The following SLC17A1 variants were observed in gnomAD, a reference collection of about 807,000 sequenced individuals.
SLC17A1 encodes solute carrier family 17 member 1.
SLC17A1 carries 51 observed loss-of-function variants against 53.5 expected under a neutral mutation model. The ratio of observed to expected loss-of-function variants is 0.95; its 90% CI spans 0.76 to 1.20. The LOEUF (loss-of-function observed/expected upper bound fraction) is 1.20. Among genes scored for constraint, SLC17A1 ranks in the 50% most tolerant of loss-of-function variants. The pLI is 0.00. For synonymous variants in SLC17A1, 179 were observed against 198.8 expected, an observed-to-expected ratio of 0.90 and a Z score of 0.84; for missense variants, 538 against 568.2, an observed-to-expected ratio of 0.95 and a Z score of 0.54.
downstream of SLC17A1, among the ~76,000 whole-genome samples, chr6:25,781,634 T>C (rs1028886228): frequency 3.3e-5 from 5 of 152,014 alleles, no homozygotes; most frequent in Admixed American, 3.3e-4. Flanking sequence ...CTGCTCATAG[T>C]GGAAAGTGAA....
chr6:25,799,823 T>A (rs191648046), intron 11 of SLC17A1, among the ~76,000 whole-genome samples: 5 of 152,322 alleles, frequency 3.3e-5, no homozygotes, highest in Non-Finnish European at 7.4e-5. Context: ...ATAAAGGCAC[T>A]ATGCTCAGAG....
chr6:25,797,816 T>A (rs1581455499), intron 12 of SLC17A1, among the ~76,000 whole-genome samples: 1 of 152,134 alleles, frequency 6.6e-6, no homozygotes, highest in Non-Finnish European at 1.5e-5. Context: ...GCCAGGCTGG[T>A]CTTGAACTCC....
the SLC17A1 span, among the ~76,000 whole-genome samples, chr6:25,727,672 C>T: frequency 1.3e-5 from 2 of 152,012 alleles, no homozygotes; most frequent in Non-Finnish European, 2.9e-5. Context: ...CAGGCGTGAG[C>T]CACTGCGAAT....
chr6:25,801,941 C>A (rs142810998), intron 10 of SLC17A1, among the ~76,000 whole-genome samples: 3 of 151,746 alleles, frequency 2.0e-5, no homozygotes, highest in Non-Finnish European at 4.4e-5. Flanking sequence ...TGAAGAAGTA[C>A]ATTTATGGTT....
At chr6:25,746,301 C>A in the SLC17A1 span, among the ~76,000 whole-genome samples, 1 of 152,140 alleles carries the variant, frequency 6.6e-6, no homozygotes, top group Admixed American at 6.5e-5. Flanking sequence ...CAGGTGGAGC[C>A]TCATGGAGTT....
At chr6:25,823,735 C>T (rs1764644230) in intron 3 of SLC17A1, among the ~76,000 whole-genome samples, 1 of 151,818 alleles carries the variant, frequency 6.6e-6, no homozygotes, top group East Asian at 1.9e-4. Flanking sequence ...CTGTCACTGG[C>T]TTGTTTTTTC....
At chr6:25,758,245 G>A in the SLC17A1 span, among the ~76,000 whole-genome samples, 1 of 152,206 alleles carries the variant, frequency 6.6e-6, no homozygotes, top group Non-Finnish European at 1.5e-5. Flanking sequence ...TTGACTTGAA[G>A]TGACGGGGCA....
chr6:25,731,637 T>C, the SLC17A1 span: 1 of 500,010 alleles, frequency 2.0e-6, no homozygotes, highest in Non-Finnish European at 3.4e-6. Flanking sequence ...ATAACCATGT[T>C]ATGCCTAGTC....
chr6:25,819,816 C>T lies in SLC17A1; in HGVS notation c.307G>A (p.Gly103Arg). ...IIQVPVGYFSGIYSTKKMIGF... is the reference protein window; with the variant it reads ...IIQVPVGYFSRIYSTKKMIGF... ...ATCATTTTCTTTGTAGAATATATTC[C>T]AGAGAAGTATCCAACAGGAACTTGG... Residue 103 changes from glycine to arginine, a missense_variant, in exon 4 of 13, where the codon GGA becomes AGA. Physicochemically the swap from Gly to Arg is moderately radical, Grantham distance 125. Coordinates refer to ENST00000244527, the MANE Select transcript of SLC17A1 (RefSeq NM_005074.5). 6.2e-7 allele frequency: 1 copy of T among 1,614,056 alleles called. No individual in the cohort carries two copies. Among genetic ancestry groups the T allele is most frequent in the Non-Finnish European group, 8.5e-7 (1 of 1,179,976 alleles).
At chr6:25,741,517 C>A in the SLC17A1 span, among the ~76,000 whole-genome samples, 1 of 151,576 alleles carries the variant, frequency 6.6e-6, no homozygotes, top group African/African-American at 2.4e-5. Flanking sequence ...GAGTTTGAGA[C>A]CAGCTTGGCC....
chr6:25,819,724 T>TA lies in SLC17A1; in HGVS notation c.398dup (p.Ala134SerfsTer23). Reference sequence around the variant, plus strand: ...CTGCTCGACATACAACGACCCAAGCTACTCCAATTCCAGCTGCTGGTGGGA... The same window carrying TA: ...CTGCTCGACATACAACGACCCAAGCTAACTCCAATTCCAGCTGCTGGTGGGA... On this transcript the variant is annotated frameshift_variant, in exon 4 of 13. Coordinates refer to ENST00000244527, the MANE Select transcript of SLC17A1 (RefSeq NM_005074.5). LOFTEE classifies it high-confidence loss of function. The TA allele has an allele frequency of 6.2e-7, 1 of 1,614,222 alleles. No individual in the cohort carries two copies. Among genetic ancestry groups the TA allele is most frequent in the Non-Finnish European group, 8.5e-7 (1 of 1,180,020 alleles).
the SLC17A1 span, among the ~76,000 whole-genome samples, chr6:25,725,135 G>A: frequency 6.6e-6 from 1 of 151,526 alleles, no homozygotes; most frequent in South Asian, 2.1e-4. Context: ...GGTGTTTACA[G>A]CACAAACTGC....
intron 12 of SLC17A1, among the ~76,000 whole-genome samples, chr6:25,785,800 A>T (rs1763369705): frequency 6.6e-6 from 1 of 152,166 alleles, no homozygotes; most frequent in African/African-American, 2.4e-5. Flanking sequence ...ATTCACTGAG[A>T]TGGCTACTGA....
At chr6:25,774,510 A>C in the SLC17A1 span, among the ~76,000 whole-genome samples, 1 of 152,184 alleles carries the variant, frequency 6.6e-6, no homozygotes, top group Admixed American at 6.5e-5. Context: ...GGCTGCAGGC[A>C]CTGAGATTAG....
the SLC17A1 span, among the ~76,000 whole-genome samples, chr6:25,746,645 A>T: frequency 6.6e-6 from 1 of 152,224 alleles, no homozygotes; most frequent in East Asian, 1.9e-4. Context: ...AATATTAGAC[A>T]AGTTATTAAG....
the SLC17A1 span, among the ~76,000 whole-genome samples, chr6:25,737,589 A>C: frequency 6.6e-6 from 1 of 152,128 alleles, no homozygotes. Flanking sequence ...TCTGGGCAGC[A>C]GGCAAAAGAA....
chr6:25,726,607 T>C, the SLC17A1 span: 2 of 1,498,348 alleles, frequency 1.3e-6, no homozygotes, highest in African/African-American at 1.4e-5. Flanking sequence ...TGACTGAGGT[T>C]GGCATTTGCT....
chr6:25,808,463 A>T (rs1253562310), intron 10 of SLC17A1, among the ~76,000 whole-genome samples: 1 of 152,022 alleles, frequency 6.6e-6, no homozygotes, highest in African/African-American at 2.4e-5. Flanking sequence ...CATCCATGTA[A>T]TTAAAAACCA....
intron 12 of SLC17A1, among the ~76,000 whole-genome samples, chr6:25,785,712 T>C (rs536012266): frequency 4.0e-5 from 6 of 151,880 alleles, no homozygotes; most frequent in African/African-American, 1.4e-4. Flanking sequence ...GAATAGCCAA[T>C]AAGCACATGA....
Sources: allele counts gnomAD v4.1 joint callset (sites outside exome capture counted in the v4.1 genomes callset), GRCh38; gene constraint gnomAD v4.1.1; transcripts MANE v1.5; gene names NCBI Gene and HGNC (gene_info 2026-07-23, HGNC 2026-07-21).